SNAP23: variants seen among roughly 807,000 people sequenced by gnomAD.
SNAP23 encodes the protein synaptosomal-associated protein 23.
SNAP23 carries 11 observed loss-of-function variants against 29.0 expected under a neutral mutation model. The observed-to-expected ratio is 0.38, with a 90% confidence interval of 0.24 to 0.63. The LOEUF (loss-of-function observed/expected upper bound fraction) is 0.63. SNAP23 is among the 20% of genes least tolerant of loss of function. The pLI, the probability that SNAP23 is intolerant of heterozygous loss-of-function variation, is 0.58. For synonymous variants in SNAP23, 60 were observed against 82.9 expected (o/e 0.72, Z 1.50); for missense variants, 220 against 253.9 (o/e 0.87, Z 0.91).
intron 6 of SNAP23, 45 bp downstream of exon 6, chr15:42,528,465 G>C (rs1346156487): frequency 6.3e-7 from 1 of 1,583,496 alleles, no homozygotes; most frequent in East Asian, 2.2e-5. Flanking sequence ...CTTAATGAAT[G>C]GTTCACTTAG....
At chr15:42,519,440 C>T (rs1181018004) in intron 5 of SNAP23, among the ~76,000 whole-genome samples, 3 of 151,158 alleles carry the variant, frequency 2.0e-5, no homozygotes, top group Non-Finnish European at 2.9e-5. Context: ...GGTACAATCT[C>T]GGCTCACTGC....
intron 7 of SNAP23, among the ~76,000 whole-genome samples, chr15:42,530,234 C>T (rs1313711898): frequency 1.3e-5 from 2 of 152,086 alleles, no homozygotes; most frequent in Non-Finnish European, 1.5e-5. Flanking sequence ...GCGTTCCTCC[C>T]ACATCAGCCT....
intron 2 of SNAP23, chr15:42,512,337 G>GAAAATGTAGTGAT (rs1415625207): frequency 6.6e-6 from 1 of 151,644 alleles, no homozygotes; most frequent in East Asian, 1.9e-4. Flanking sequence ...CTCTTAAGGA[G>GAAAATGTAGTGAT]CGCCTGAAAA....
intron 5 of SNAP23, among the ~76,000 whole-genome samples, chr15:42,522,742 T>G (rs1195406730): frequency 1.3e-5 from 2 of 149,764 alleles, no homozygotes; most frequent in African/African-American, 4.9e-5. Context: ...AAAAAGAAAT[T>G]ATCGTTTTTG....
intron 1 of SNAP23, among the ~76,000 whole-genome samples, chr15:42,497,284 C>A (rs549607074): frequency 6.7e-6 from 1 of 150,174 alleles, no homozygotes. Context: ...TCTTGGCTCA[C>A]TGCGACCTCC....
At chr15:42,515,540 T>TA (rs1156889963) in intron 5 of SNAP23, among the ~76,000 whole-genome samples, 186 bp downstream of exon 5, 5 of 152,366 alleles carry the variant, frequency 3.3e-5, no homozygotes, top group Admixed American at 2.6e-4. Flanking sequence ...AACTGTGACT[T>TA]ACATTTGACC....
chr15:42,511,770 C>T, intron 1 of SNAP23, 63 bp from the exon 2 acceptor site: 1 of 1,002,960 alleles, frequency 1.0e-6, no homozygotes, highest in Non-Finnish European at 1.4e-6. Flanking sequence ...TTTTTGCTCA[C>T]ACAAACTTTT....
intron 4 of SNAP23, among the ~76,000 whole-genome samples, chr15:42,514,053 G>C (rs1015447226): frequency 3.3e-5 from 5 of 151,726 alleles, no homozygotes; most frequent in Admixed American, 3.3e-4. Context: ...AACCTCAGGT[G>C]ATCCACCCGC....
chr15:42,528,477 A>T, intron 6 of SNAP23, 57 bp downstream of exon 6: 1 of 1,549,568 alleles, frequency 6.5e-7, no homozygotes, highest in South Asian at 1.1e-5. Flanking sequence ...TTCACTTAGG[A>T]GATGAGTTTA....
intron 1 of SNAP23, among the ~76,000 whole-genome samples, chr15:42,499,973 C>CT (rs1363924778): frequency 1.3e-5 from 2 of 152,156 alleles, no homozygotes; most frequent in East Asian, 3.9e-4. Context: ...CCAAGACTGT[C>CT]TCTACAAAAA....
chr15:42,515,418 G>C (rs1281602379), intron 5 of SNAP23, 64 bp downstream of exon 5: 2 of 950,968 alleles, frequency 2.1e-6, no homozygotes, highest in Non-Finnish European at 3.3e-6. Flanking sequence ...TCTCCCACCA[G>C]CTAAGGTCAG....
At chr15:42,520,045 C>CTTTTTTTTTTTTTTTTT (rs201577060) in intron 5 of SNAP23, among the ~76,000 whole-genome samples, 1 of 92,980 alleles carries the variant, frequency 1.1e-5, no homozygotes, top group Admixed American at 1.3e-4. Context: ...AACCCCCTTG[C>CTTTTTTTTTTTTTTTTT]TTTTTTTTTT....
chr15:42,529,443 A>G (rs1221376617), intron 6 of SNAP23, among the ~76,000 whole-genome samples: 1 of 152,180 alleles, frequency 6.6e-6, no homozygotes, highest in East Asian at 1.9e-4. Context: ...AAGCTTTGAG[A>G]AACACTGTTT....
chr15:42,494,618 C>T (rs1014574112), upstream of SNAP23, among the ~76,000 whole-genome samples: 5 of 151,528 alleles, frequency 3.3e-5, no homozygotes, highest in Non-Finnish European at 7.4e-5. Context: ...CAGGTTCAAG[C>T]GATTCTCCTG....
rs757937500 is a variant in SNAP23 at position 42,513,427 on chromosome 15, C to T, written c.128C>T (p.Thr43Ile). ...ESQDAGIKTITMLDEQKEQLN... is the reference protein window; with the variant it reads ...ESQDAGIKTIIMLDEQKEQLN... Reference sequence around the variant, plus strand: ...CAGGATGCAGGAATCAAGACCATCACTATGCTGGATGAACAAAAGGGTAAG... The same window carrying T: ...CAGGATGCAGGAATCAAGACCATCATTATGCTGGATGAACAAAAGGGTAAG... The change falls in exon 4 of 8, where the codon ACT becomes ATT. Residue 43 changes from threonine to isoleucine, a missense_variant. Physicochemically the swap from Thr to Ile is moderately conservative, Grantham distance 89. Transcript: ENST00000249647. 4 of 1,613,704 alleles carry T rather than the reference C, an allele frequency of 2.5e-6. No individual in the cohort carries two copies. The highest frequency in any genetic ancestry group is 3.4e-6 in the Non-Finnish European group (4 of 1,179,650).
intron 5 of SNAP23, among the ~76,000 whole-genome samples, chr15:42,518,430 CTCTTT>C (rs1244909635): frequency 0.046 from 6,924 of 149,854 alleles, 530 homozygotes; most frequent in African/African-American, 0.16. Flanking sequence ...TCTTTTCTTT[CTCTTT>C]TTTTTTTTTT....
chr15:42,501,116 A>G (rs944498373), intron 1 of SNAP23, among the ~76,000 whole-genome samples: 3 of 152,198 alleles, frequency 2.0e-5, no homozygotes, highest in African/African-American at 7.2e-5. Flanking sequence ...AAGTAGGAGC[A>G]TCAGTTGAGG....
At chr15:42,524,781 A>G (rs1193646744) in intron 5 of SNAP23, among the ~76,000 whole-genome samples, 11 of 114,426 alleles carry the variant, frequency 9.6e-5, no homozygotes, top group African/African-American at 4.9e-4. Flanking sequence ...TTAAAAACAT[A>G]TTTATATTTG....
At chr15:42,526,095 C>T (rs893883833) in intron 5 of SNAP23, among the ~76,000 whole-genome samples, 1 of 152,172 alleles carries the variant, frequency 6.6e-6, no homozygotes, top group African/African-American at 2.4e-5. Context: ...CTCTCTTGCA[C>T]CTGTTCCACA....
Sources: allele counts gnomAD v4.1 joint callset (sites outside exome capture counted in the v4.1 genomes callset), GRCh38; gene constraint gnomAD v4.1.1; transcripts MANE v1.5; gene names NCBI Gene and HGNC (gene_info 2026-07-23, HGNC 2026-07-21).